The following PDC variants were observed in gnomAD, a reference collection of about 807,000 sequenced individuals.
PDC encodes 33 kDa phototransducing protein.
A neutral mutation model predicts 22.2 loss-of-function variants in PDC; 19 were observed. The ratio of observed to expected loss-of-function variants is 0.86; its 90% CI spans 0.60 to 1.26. The LOEUF (loss-of-function observed/expected upper bound fraction) is 1.26. Ranked by LOEUF, PDC falls within the 50% of genes most tolerant of loss-of-function variation. The pLI, the probability that PDC is intolerant of heterozygous loss-of-function variation, is 0.00. For synonymous variants in PDC, 97 were observed against 96.2 expected, an observed-to-expected ratio of 1.01 and a Z score of -0.05; for missense variants, 274 against 286.8, an observed-to-expected ratio of 0.96 and a Z score of 0.32.
chr1:186,455,994 A>AATATATATATATATATATATATGCATGC (rs1662460392), intron 1 of PDC, among the ~76,000 whole-genome samples: 2 of 77,104 alleles, frequency 2.6e-5, no homozygotes, highest in African/African-American at 1.4e-4. Flanking sequence ...AAAAAAAAAA[A>AATATATATATATATATATATATGCATGC]ATATATATAT....
At chr1:186,453,293 T>A (rs921866110) in intron 1 of PDC, among the ~76,000 whole-genome samples, 1 of 152,176 alleles carries the variant, frequency 6.6e-6, no homozygotes, top group Non-Finnish European at 1.5e-5. Context: ...ATGATAGCGA[T>A]GATCTGGAAT....
Position 186,444,426 on chromosome 1 carries a change from C to A in PDC, c.294G>T (p.Met98Ile). 4 of 1,613,370 alleles carry A rather than the reference C, an allele frequency of 2.5e-6. No homozygotes were observed. The highest frequency in any genetic ancestry group is 3.4e-6 in the Non-Finnish European group (4 of 1,179,302). The change falls in exon 4 of 4, where the codon ATG becomes ATT. Residue 98 changes from methionine (M) to isoleucine (I), a missense_variant. Coordinates refer to ENST00000391997, the MANE Select transcript of PDC (RefSeq NM_002597.5). Reference sequence around the variant, plus strand: ...AACTCAGCTTCTGGTGCATATCCTGCATACACTGTCTACGGTATTTACGAA... The same window carrying A: ...AACTCAGCTTCTGGTGCATATCCTGAATACACTGTCTACGGTATTTACGAA... Reference protein sequence around the residue: ...NCLRKYRRQCMQDMHQKLSFG... With the variant: ...NCLRKYRRQCIQDMHQKLSFG...
intron 1 of PDC, among the ~76,000 whole-genome samples, chr1:186,459,782 T>TATATATATATATATATATA (rs1662544269): frequency 2.6e-5 from 2 of 75,788 alleles, no homozygotes; most frequent in Non-Finnish European, 6.0e-5. Context: ...ATATATATAT[T>TATATATATATATATATATA]TAAAATGGAC....
In PDC at chr1:186,459,979, T is replaced by G. The variant is rs540708508; in HGVS notation, c.-25+1080A>C. Among the ~76,000 whole-genome samples, 18 of 150,786 alleles carry G rather than the reference T, an allele frequency of 1.2e-4. No homozygotes were observed. In the South Asian group the frequency reaches 3.8e-3, roughly 32 times the overall value. Reference sequence around the variant, plus strand: ...CTGAATTTAAGAAATATCAACAAACTCTGTGTTCTTTTCTTTTAAAAACAT... The same window carrying G: ...CTGAATTTAAGAAATATCAACAAACGCTGTGTTCTTTTCTTTTAAAAACAT... On this transcript the variant is annotated intron_variant, in intron 1 of 3. Coordinates refer to ENST00000391997, the MANE Select transcript of PDC (RefSeq NM_002597.5).
intron 3 of PDC, 115 bp downstream of exon 3, chr1:186,446,311 C>A (rs905967410): frequency 2.9e-5 from 21 of 732,632 alleles, no homozygotes; most frequent in Non-Finnish European, 3.6e-5. Context: ...TTTTTGCCAG[C>A]GTAAGCAATA....
At chr1:186,450,864 T>G (rs2102132748) in intron 1 of PDC, among the ~76,000 whole-genome samples, 1 of 152,292 alleles carries the variant, frequency 6.6e-6, no homozygotes, top group South Asian at 2.1e-4. Flanking sequence ...TTTCCTGAAG[T>G]TTTCAAGTCA....
At position 186,449,466 on chromosome 1, in the gene PDC, G is replaced by T. The variant is rs377352034; in HGVS notation, c.-7C>A. On this transcript the variant is annotated 5_prime_UTR_variant, in exon 2 of 4. Transcript: ENST00000391997. ...GGCTTTTGGCTTCTTCCATTTTAGG[G>T]ACTGGATTTGATATAATCTATAGGA... 7 of 1,575,982 alleles carry T rather than the reference G, an allele frequency of 4.4e-6. No homozygotes were observed. In the African/African-American group the frequency reaches 8.1e-5, roughly 18 times the overall value.
Position 186,444,349 on chromosome 1 carries a change from A to G in PDC, c.371T>C (p.Leu124Pro), listed in dbSNP as rs781147574. 1 of 1,614,106 alleles carries G rather than the reference A, an allele frequency of 6.2e-7. No homozygotes were observed. The highest frequency in any genetic ancestry group is 1.7e-5 in the Admixed American group (1 of 60,018). Residue 124 changes from leucine to proline, a missense_variant, in exon 4 of 4, where the codon CTA (leucine) becomes CCA (proline). Leu to Pro is a moderately conservative substitution (Grantham distance 98). Transcript: ENST00000391997. ...VYELETGKQF[L>P]ETIEKELKIT... ...CTTCAGTTCCTTTTCAATTGTTTCT[A>G]GGAATTGCTTTCCAGTTTCCAGCTC...
Position 186,446,538 on chromosome 1 carries a change from A to G in PDC, c.101T>C (p.Leu34Ser), listed in dbSNP as rs201472059. Reference protein sequence around the residue: ...GVINDWRKFKLESQDSDSIPP... With the variant: ...GVINDWRKFKSESQDSDSIPP... ...AATTGAATCACTGTCTTGACTCTCT[A>G]ATTTAAACTTTCTCCAATCATTTAT... The change falls in exon 3 of 4, where the codon TTA becomes TCA. Residue 34 changes from leucine (L) to serine (S), a missense_variant. Coordinates refer to ENST00000391997, the MANE Select transcript of PDC (RefSeq NM_002597.5). 1.6e-4 allele frequency: 247 copies of G among 1,592,008 alleles called. 4 individuals are homozygous for G. In the South Asian group the frequency reaches 2.6e-3, roughly 17 times the overall value.
At chr1:186,455,125 G>T (rs1213084155) in intron 1 of PDC, among the ~76,000 whole-genome samples, 1 of 152,114 alleles carries the variant, frequency 6.6e-6, no homozygotes, top group Non-Finnish European at 1.5e-5. Context: ...TTTTCTCATA[G>T]TTCCAGAGGC....
At position 186,446,160 on chromosome 1, in the gene PDC, G is replaced by C. The variant is rs1040080961; in HGVS notation, c.213+266C>G. On this transcript the variant is annotated intron_variant, in intron 3 of 3. Transcript: ENST00000391997. ...GGAGCAGGTTTGTTACAATTCCCCA[G>C]ATGGAATTCTCTGTATGTTGCTTTC... Among the ~76,000 whole-genome samples, 3 of 152,150 alleles carry C rather than the reference G, an allele frequency of 2.0e-5. 1 individual carries two copies. The highest frequency in any genetic ancestry group is 7.2e-5 in the African/African-American group (3 of 41,442).
intron 2 of PDC, among the ~76,000 whole-genome samples, chr1:186,447,374 G>T (rs1022030159): frequency 1.3e-5 from 2 of 151,950 alleles, no homozygotes; most frequent in African/African-American, 4.8e-5. Context: ...GTCTTGAACT[G>T]CTGACCTCAA....
intron 1 of PDC, among the ~76,000 whole-genome samples, chr1:186,453,884 T>C (rs1449433844): frequency 6.6e-6 from 1 of 152,132 alleles, no homozygotes; most frequent in African/African-American, 2.4e-5. Context: ...TAGAGCCAGG[T>C]TTCAAATCTC....
intron 1 of PDC, among the ~76,000 whole-genome samples, chr1:186,455,437 CTT>C (rs1014035054): frequency 2.6e-5 from 4 of 152,182 alleles, no homozygotes; most frequent in African/African-American, 7.2e-5. Context: ...CAAAGAATGA[CTT>C]TACACTGATG....
intron 3 of PDC, among the ~76,000 whole-genome samples, chr1:186,446,069 G>A (rs1015125233): frequency 6.6e-6 from 1 of 152,104 alleles, no homozygotes; most frequent in Non-Finnish European, 1.5e-5. Context: ...TTACATTTGT[G>A]TAGTATTTTA....
intron 1 of PDC, among the ~76,000 whole-genome samples, chr1:186,450,891 C>A (rs1435870309): frequency 6.6e-6 from 1 of 152,136 alleles, no homozygotes; most frequent in Non-Finnish European, 1.5e-5. Context: ...ATATACTAAT[C>A]GTAGATAAAC....
chr1:186,448,084 T>C (rs978972123), intron 2 of PDC, among the ~76,000 whole-genome samples: 1 of 152,220 alleles, frequency 6.6e-6, no homozygotes, highest in Non-Finnish European at 1.5e-5. Context: ...GTTTCCAGTT[T>C]TTTCTATGAC....
chr1:186,459,118 C>G (rs932615057), intron 1 of PDC, among the ~76,000 whole-genome samples: 1 of 152,112 alleles, frequency 6.6e-6, no homozygotes, highest in African/African-American at 2.4e-5. Flanking sequence ...GCCGACATCT[C>G]GCCACTGCAC....
chr1:186,449,449 G>T lies in PDC; in HGVS notation c.11C>A (p.Ala4Asp). 1 of 1,602,564 alleles carries T rather than the reference G, an allele frequency of 6.2e-7. No homozygotes were observed. Among genetic ancestry groups the T allele is most frequent in the Non-Finnish European group, 8.5e-7 (1 of 1,171,250 alleles). The change falls in exon 2 of 4, where the codon GCC (alanine) becomes GAC (aspartate). Residue 4 changes from alanine to aspartate, a missense_variant. Transcript: ENST00000391997. ...GTCTTCCTCCAAACTTTGGCTTTTG[G>T]CTTCTTCCATTTTAGGGACTGGATT... MEE[A>D]KSQSLEEDFE...
Sources: gnomAD v4.1 joint callset for allele counts (sites outside exome capture counted in the v4.1 genomes callset) on GRCh38, gnomAD v4.1.1 for gene constraint, MANE v1.5 for transcripts, NCBI Gene and HGNC (gene_info 2026-07-23, HGNC 2026-07-21) for gene names.